The following L3MBTL4 variants were observed in gnomAD, a reference collection of about 807,000 sequenced individuals.
L3MBTL4 encodes L3MBTL histone methyl-lysine binding protein 4.
A neutral mutation model predicts 84.5 loss-of-function variants in L3MBTL4; 70 were observed. The ratio of observed to expected loss-of-function variants is 0.83; its 90% CI spans 0.68 to 1.01. The LOEUF (loss-of-function observed/expected upper bound fraction) is 1.01. Ranked by LOEUF, L3MBTL4 falls within the 50% of genes least tolerant of loss-of-function variation. The pLI is 0.00. For synonymous variants in L3MBTL4, 274 were observed against 259.8 expected (o/e 1.05, Z -0.52); for missense variants, 715 against 754.8 (o/e 0.95, Z 0.62).
At chr18:5,994,893 A>T (rs2145190219) in intron 16 of L3MBTL4, among the ~76,000 whole-genome samples, 1 of 152,346 alleles carries the variant, frequency 6.6e-6, no homozygotes, top group Admixed American at 6.5e-5. Flanking sequence ...TAGATGTCAC[A>T]CATTTATATG....
At chr18:6,273,816 G>A (rs962081959) in intron 4 of L3MBTL4, among the ~76,000 whole-genome samples, 2 of 152,236 alleles carry the variant, frequency 1.3e-5, no homozygotes, top group African/African-American at 4.8e-5. Context: ...AATTGAAGGA[G>A]AGGGAAGAGC....
chr18:5,996,626 C>T (rs1032925764), intron 16 of L3MBTL4, among the ~76,000 whole-genome samples: 1 of 151,982 alleles, frequency 6.6e-6, no homozygotes, highest in Admixed American at 6.5e-5. Context: ...GAAGCTTTTC[C>T]GTGGGAAAAG....
chr18:6,053,467 T>C (rs533707921), intron 16 of L3MBTL4, among the ~76,000 whole-genome samples: 1 of 152,298 alleles, frequency 6.6e-6, no homozygotes, highest in South Asian at 2.1e-4. Context: ...GTCTGATAAC[T>C]GGTACTATCA....
chr18:6,250,308 C>T (rs902055102), intron 5 of L3MBTL4, among the ~76,000 whole-genome samples: 30 of 152,240 alleles, frequency 2.0e-4, no homozygotes, highest in African/African-American at 7.0e-4. Context: ...ACAAACAAAA[C>T]ACCGTCACCA....
At position 6,278,090 on chromosome 18, in the gene L3MBTL4, T is replaced by C. The variant is rs189366769; in HGVS notation, c.128-14052A>G. ...TTCTTTCCAAAGTTTGTAGTGCTCA[T>C]TTAATTTTCTTGCTTATTTCATTTG... is the stretch of plus-strand genomic sequence containing the variant. On this transcript the variant is annotated intron_variant, in intron 4 of 18. Transcript: ENST00000317931. Among the ~76,000 whole-genome samples, 27 of 152,290 alleles carry C rather than the reference T, an allele frequency of 1.8e-4. No homozygotes were observed. In the East Asian group the frequency reaches 5.0e-3, roughly 28 times the overall value.
chr18:6,370,702 C>A (rs341182), intron 1 of L3MBTL4, among the ~76,000 whole-genome samples: 192 of 152,292 alleles, frequency 1.3e-3, no homozygotes, highest in African/African-American at 4.3e-3. Flanking sequence ...TGTTGGGAGA[C>A]TGAGCCGGGA....
intron 1 of L3MBTL4, among the ~76,000 whole-genome samples, chr18:6,381,043 G>A: frequency 6.6e-6 from 1 of 152,182 alleles, no homozygotes; most frequent in East Asian, 1.9e-4. Flanking sequence ...AGCTCTTCTT[G>A]TTGCATTGAT....
At chr18:6,160,472 C>T (rs532307910) in intron 13 of L3MBTL4, among the ~76,000 whole-genome samples, 10 of 152,302 alleles carry the variant, frequency 6.6e-5, no homozygotes, top group East Asian at 1.9e-4. Flanking sequence ...TGGCTCACGC[C>T]TGTAATCCCA....
rs573544952 is a variant in L3MBTL4 at position 6,093,584 on chromosome 18, T to A, written c.1200-56A>T. 1.9e-5 allele frequency: 27 copies of A among 1,444,184 alleles called. No individual in the cohort carries two copies. In the African/African-American group the frequency reaches 3.0e-4, roughly 16 times the overall value. 89.5% of individuals were successfully genotyped at this position (1,444,184 alleles called of 1,614,324 possible). A position where few individuals can be genotyped will look rare whatever the true frequency, so the allele number is the denominator to read the frequency against. The stretch of plus-strand genomic sequence containing the variant: ...TCAGTATACAGTGATAAATCAGGGA[T>A]CCATTGTCATTAGAGCAGACTTACA... On this transcript the variant is annotated intron_variant, in intron 14 of 18. Transcript: ENST00000317931.
intron 12 of L3MBTL4, among the ~76,000 whole-genome samples, chr18:6,177,487 T>C (rs909770973): frequency 1.3e-5 from 2 of 152,202 alleles, no homozygotes; most frequent in Non-Finnish European, 2.9e-5. Flanking sequence ...AAAGGAAGCT[T>C]CTGTGTTGTT....
At chr18:5,962,441 G>C (rs1333957714) in intron 17 of L3MBTL4, among the ~76,000 whole-genome samples, 1 of 152,188 alleles carries the variant, frequency 6.6e-6, no homozygotes, top group Non-Finnish European at 1.5e-5. Context: ...CTGAGGAGTA[G>C]ACAGGGAGTG....
chr18:6,020,982 C>T lies in L3MBTL4; in HGVS notation c.1445-51420G>A, dbSNP rs140446495. 3.1e-3 allele frequency among the ~76,000 whole-genome samples: 478 copies of T among 151,872 alleles called. 3 individuals are homozygous for T. The highest frequency in any genetic ancestry group is 0.011 in the African/African-American group (458 of 41,376). ...AGCTCCATGAAATAATATTTGAAGT[C>T]GGATAGAGAAAGAGGAGGCAGCAAA... On this transcript the variant is annotated intron_variant, in intron 16 of 18. Coordinates refer to ENST00000317931, the MANE Select transcript of L3MBTL4 (RefSeq NM_001330559.2).
At chr18:6,348,542 A>G (rs1351463458) in intron 1 of L3MBTL4, among the ~76,000 whole-genome samples, 2 of 152,198 alleles carry the variant, frequency 1.3e-5, no homozygotes, top group Non-Finnish European at 2.9e-5. Context: ...TAACCCATAC[A>G]CCAAAAGGAA....
chr18:6,004,595 C>T (rs555316781), intron 16 of L3MBTL4, among the ~76,000 whole-genome samples: 1 of 152,070 alleles, frequency 6.6e-6, no homozygotes, highest in Non-Finnish European at 1.5e-5. Context: ...ATGTAGAAAA[C>T]CGAAGAAATC....
intron 13 of L3MBTL4, among the ~76,000 whole-genome samples, chr18:6,159,629 G>A (rs1310958555): frequency 6.6e-6 from 1 of 152,196 alleles, no homozygotes; most frequent in African/African-American, 2.4e-5. Flanking sequence ...TGACGCGATG[G>A]TCCCTGCACG....
rs112316180 is a variant in L3MBTL4, at chr18:6,267,011, C to T, written c.128-2973G>A. 1.5e-3 allele frequency among the ~76,000 whole-genome samples: 226 copies of T among 152,008 alleles called. 2 individuals are homozygous for T. The highest frequency in any genetic ancestry group is 4.9e-3 in the African/African-American group (205 of 41,524). On this transcript the variant is annotated intron_variant, in intron 4 of 18. Transcript: ENST00000317931. ...GTGACAAGTGTGCAGGAAAATGTTA[C>T]GTGGAAATTTTATCCATTTCCACTA... is the stretch of plus-strand genomic sequence containing the variant.
chr18:6,196,126 A>C (rs1166225864), intron 12 of L3MBTL4, among the ~76,000 whole-genome samples: 1 of 149,634 alleles, frequency 6.7e-6, no homozygotes, highest in Non-Finnish European at 1.5e-5. Context: ...ACTCCAAGAA[A>C]CAGCCTCATT....
chr18:6,078,426 C>CAAAAA (rs1200685986), intron 16 of L3MBTL4, among the ~76,000 whole-genome samples: 5 of 34,904 alleles, frequency 1.4e-4, no homozygotes, highest in Middle Eastern at 0.011. Flanking sequence ...GAGTCCACCT[C>CAAAAA]AAAAAAAAAA....
Position 6,414,765 on chromosome 18 carries a change from G to A in L3MBTL4, c.-91+36C>T, listed in dbSNP as rs1005739184. On this transcript the variant is annotated intron_variant, in intron 1 of 18. Transcript: ENST00000317931. This position sits in a 1 kb window ranked among gnomAD's most constrained non-coding sequence, Gnocchi z 5.4. Reference sequence around the variant, plus strand: ...CGGCCGTGGGCACCCACGCGGGCTCGCGACCATCCCACGCGGGCGGCGGCG... The same window carrying A: ...CGGCCGTGGGCACCCACGCGGGCTCACGACCATCCCACGCGGGCGGCGGCG... 6 of 151,688 alleles carry A rather than the reference G, an allele frequency of 4.0e-5. No homozygotes were observed. Among genetic ancestry groups the A allele is most frequent in the Non-Finnish European group, 7.4e-5 (5 of 67,956 alleles). The allele number at this position is 151,688 out of a possible 1,614,324, so 9.4% of individuals were successfully genotyped here.
Sources: gnomAD v4.1 joint callset for allele counts (sites outside exome capture counted in the v4.1 genomes callset) on GRCh38, gnomAD v4.1.1 for gene constraint, Gnocchi (gnomAD v3.1) non-coding constraint, MANE v1.5 for transcripts, NCBI Gene and HGNC (gene_info 2026-07-23, HGNC 2026-07-21) for gene names.